The following STX7 variants were observed in gnomAD, a reference collection of about 807,000 sequenced individuals.
STX7 encodes the protein syntaxin 7, also known as syntaxin-7.
A neutral mutation model predicts 39.6 loss-of-function variants in STX7; 34 were observed. That is an observed-to-expected ratio of 0.86 (90% confidence interval 0.65 to 1.14). The LOEUF is 1.14. Among genes scored for constraint, STX7 ranks in the 50% most tolerant of loss-of-function variants. The probability of loss-of-function intolerance (pLI) is 0.00; values close to 1 mark genes in which losing one functional copy is unlikely to be tolerated. For synonymous variants in STX7, 119 were observed against 99.1 expected (o/e 1.20, Z -1.19); for missense variants, 284 against 310.4 (o/e 0.92, Z 0.64).
In STX7 at chr6:132,509,751, C is replaced by G. The variant is rs114090355; in HGVS notation, c.-59+3256G>C. 6.3e-3 allele frequency among the ~76,000 whole-genome samples: 952 copies of G among 152,072 alleles called. 11 individuals carry two copies. Among genetic ancestry groups the G allele is most frequent in the African/African-American group, 0.022 (910 of 41,480 alleles). On this transcript the variant is annotated intron_variant, in intron 1 of 9. Coordinates refer to ENST00000367941, the MANE Select transcript of STX7 (RefSeq NM_003569.3). ...AATGAGACACACAAAGGAAAGGAAC[C>G]AAATGGTTGTCTTTAAAAAATATAT...
At chr6:132,492,183 G>C (rs1432514734) in intron 2 of STX7, among the ~76,000 whole-genome samples, 1 of 151,960 alleles carries the variant, frequency 6.6e-6, no homozygotes, top group Non-Finnish European at 1.5e-5. Flanking sequence ...CCATGGACAT[G>C]CTATTTCCCC....
intron 9 of STX7, among the ~76,000 whole-genome samples, chr6:132,462,635 G>A (rs190298025): frequency 1.3e-3 from 189 of 148,966 alleles, no homozygotes; most frequent in African/African-American, 4.5e-3. Context: ...TCAATTATTC[G>A]TGAGGGATAC....
chr6:132,510,047 T>C (rs1261234315), intron 1 of STX7, among the ~76,000 whole-genome samples: 3 of 152,176 alleles, frequency 2.0e-5, no homozygotes, highest in South Asian at 2.1e-4. Context: ...AAATGGGCTG[T>C]TAAAATTATA....
chr6:132,509,660 C>G (rs765141538), intron 1 of STX7, among the ~76,000 whole-genome samples: 10 of 152,084 alleles, frequency 6.6e-5, no homozygotes, highest in Non-Finnish European at 1.2e-4. Flanking sequence ...GAATAGCTTA[C>G]TCCTTTTCTC....
chr6:132,467,020 T>C (rs942366787), intron 8 of STX7, among the ~76,000 whole-genome samples: 1 of 152,166 alleles, frequency 6.6e-6, no homozygotes, highest in Non-Finnish European at 1.5e-5. Flanking sequence ...GCCAACAAGA[T>C]TGAGCATCTG....
chr6:132,481,319 C>A (rs1014666815), intron 2 of STX7, among the ~76,000 whole-genome samples: 2 of 151,782 alleles, frequency 1.3e-5, no homozygotes, highest in African/African-American at 2.4e-5. Flanking sequence ...CACCACAGAG[C>A]CAATCTTTGG....
rs1774107042 is a variant in STX7 at position 132,450,057 on chromosome 6, T to C, written c.*10701A>G. On this transcript the variant is annotated 3_prime_UTR_variant, in exon 10 of 10. Transcript: ENST00000367941. ...TTCACTTTCTTTACTTTGCCTGGAGTCCATGGCTTAAGTCTCAGAGGCACA... is the reference window on the plus strand; with the variant it reads ...TTCACTTTCTTTACTTTGCCTGGAGCCCATGGCTTAAGTCTCAGAGGCACA... 6.6e-6 allele frequency: 1 copy of C among 152,122 alleles called. No individual in the cohort carries two copies. Among genetic ancestry groups the C allele is most frequent in the Admixed American group, 6.5e-5 (1 of 15,268 alleles). 9.4% of individuals were successfully genotyped at this position (152,122 alleles called of 1,614,324 possible).
chr6:132,466,669 A>C (rs1461683164), intron 8 of STX7, among the ~76,000 whole-genome samples: 1 of 152,126 alleles, frequency 6.6e-6, no homozygotes, highest in East Asian at 1.9e-4. Context: ...TCACTCCTAA[A>C]TTTAGATCCC....
In STX7 at chr6:132,509,512, C is replaced by CATAAA. The variant is rs199619816; in HGVS notation, c.-59+3490_-59+3494dup. ...CATAACATAACATAACATAACATAA[C>CATAAA]ATAAAATAAAAAAAGACAAAAGAAA... On this transcript the variant is annotated intron_variant, in intron 1 of 9. Transcript: ENST00000367941. Among the ~76,000 whole-genome samples the CATAAA allele has an allele frequency of 5.3e-4, 73 of 138,018 alleles. 9 individuals carry two copies. The highest frequency in any genetic ancestry group is 1.9e-3 in the African/African-American group (68 of 35,500). 90.5% of individuals were successfully genotyped at this position (138,018 alleles called of 152,430 possible).
chr6:132,486,419 A>C (rs1775133511), intron 2 of STX7, among the ~76,000 whole-genome samples: 1 of 152,152 alleles, frequency 6.6e-6, no homozygotes, highest in Admixed American at 6.6e-5. Flanking sequence ...TTAGGAATGG[A>C]AGTAGAATTT....
chr6:132,462,582 G>GGTGT (rs71952617), intron 9 of STX7, among the ~76,000 whole-genome samples: 8,046 of 144,900 alleles, frequency 0.056, 314 homozygotes, highest in African/African-American at 0.1. Flanking sequence ...CATTTGCAGG[G>GGTGT]GTGTGTGTGT....
At chr6:132,488,571 T>G (rs1006994640) in intron 2 of STX7, among the ~76,000 whole-genome samples, 2 of 145,284 alleles carry the variant, frequency 1.4e-5, no homozygotes, top group African/African-American at 5.7e-5. Flanking sequence ...AGTTCTCAGT[T>G]TTTTTTAAGT....
intron 2 of STX7, among the ~76,000 whole-genome samples, chr6:132,497,137 T>C (rs542510043): frequency 1.2e-4 from 19 of 152,272 alleles, no homozygotes; most frequent in South Asian, 8.3e-4. Flanking sequence ...CTGGGAAGCA[T>C]TGTTCATCCT....
At chr6:132,511,083 T>G (rs993847983) in intron 1 of STX7, among the ~76,000 whole-genome samples, 7 of 152,178 alleles carry the variant, frequency 4.6e-5, no homozygotes, top group African/African-American at 1.4e-4. Context: ...GGGTGAGCAT[T>G]TTTTTGTCTG....
At chr6:132,493,596 C>T (rs1282647280) in intron 2 of STX7, among the ~76,000 whole-genome samples, 3 of 152,194 alleles carry the variant, frequency 2.0e-5, no homozygotes, top group African/African-American at 7.2e-5. Context: ...GATTGTGAGG[C>T]CTCCCCAGCC....
intron 9 of STX7, among the ~76,000 whole-genome samples, chr6:132,461,549 A>T (rs1018882478): frequency 3.3e-5 from 5 of 152,014 alleles, no homozygotes; most frequent in African/African-American, 7.3e-5. Context: ...TCACCTCATG[A>T]TCTGCCCACT....
At chr6:132,461,954 C>T in intron 9 of STX7, 1 of 1,186,050 alleles carries the variant, frequency 8.4e-7, no homozygotes, top group Non-Finnish European at 1.2e-6. Context: ...TGAAATTACA[C>T]TGAAAACCAT....
rs755426733 is a variant in STX7 at position 132,503,426 on chromosome 6, C to T, written c.85+20G>A. On this transcript the variant is annotated intron_variant, in intron 2 of 9. Coordinates refer to ENST00000367941, the MANE Select transcript of STX7 (RefSeq NM_003569.3). ...TAAGAGTGGATACAAATAGTGAAGT[C>T]CATTTAAAACTCAACTCACAACACT... The T allele has an allele frequency of 1.2e-6, 2 of 1,602,692 alleles. No individual in the cohort carries two copies. The highest frequency in any genetic ancestry group is 2.7e-5 in the African/African-American group (2 of 74,630).
Position 132,454,856 on chromosome 6 carries a change from AC to A in STX7, c.*5901del, listed in dbSNP as rs1562316611. On this transcript the variant is annotated 3_prime_UTR_variant, in exon 10 of 10. Transcript: ENST00000367941. ...AATGATATATAACTAAGGTTATCTT[AC>A]TATTAGCAAATTTTGGTATATACCC... 2 of 152,180 alleles carry A rather than the reference AC, an allele frequency of 1.3e-5. No homozygotes were observed. Among genetic ancestry groups the A allele is most frequent in the Non-Finnish European group, 2.9e-5 (2 of 68,016 alleles). The allele number at this position is 152,180 out of a possible 1,614,324, so 9.4% of individuals were successfully genotyped here.
Sources: allele counts gnomAD v4.1 joint callset (sites outside exome capture counted in the v4.1 genomes callset), GRCh38; gene constraint gnomAD v4.1.1; transcripts MANE v1.5; gene names NCBI Gene and HGNC (gene_info 2026-07-23, HGNC 2026-07-21).